L3MBTL4: variants seen among roughly 807,000 people sequenced by gnomAD.
L3MBTL4 encodes L3MBTL histone methyl-lysine binding protein 4.
Under a neutral mutation model 84.5 loss-of-function variants are expected in L3MBTL4, and 70 were observed. That is an observed-to-expected ratio of 0.83 (90% CI 0.68 to 1.01). The LOEUF is 1.01. Ranked by LOEUF, L3MBTL4 falls within the 50% of genes least tolerant of loss-of-function variation. The pLI is 0.00. For missense variants in L3MBTL4, 715 were observed against 754.8 expected, an observed-to-expected ratio of 0.95 and a Z score of 0.62; for synonymous variants, 274 against 259.8, an observed-to-expected ratio of 1.05 and a Z score of -0.52.
At chr18:6,024,153 A>G (rs1466286771) in intron 16 of L3MBTL4, among the ~76,000 whole-genome samples, 2 of 152,218 alleles carry the variant, frequency 1.3e-5, no homozygotes, top group Non-Finnish European at 2.9e-5. Flanking sequence ...CTGGGATTAC[A>G]GGTGTGAGCC....
At chr18:6,231,290 G>A (rs2046990014) in intron 10 of L3MBTL4, among the ~76,000 whole-genome samples, 1 of 152,124 alleles carries the variant, frequency 6.6e-6, no homozygotes, top group Non-Finnish European at 1.5e-5. Flanking sequence ...TCAATCTTCT[G>A]TATATGGCTA....
At chr18:6,240,823 G>A (rs890522310) in intron 8 of L3MBTL4, among the ~76,000 whole-genome samples, 6 of 152,196 alleles carry the variant, frequency 3.9e-5, no homozygotes, top group Non-Finnish European at 8.8e-5. Context: ...GCCTGCCAGT[G>A]GCAGAGCCGA....
At chr18:6,307,460 T>G (rs1021370268) in intron 3 of L3MBTL4, among the ~76,000 whole-genome samples, 47 of 151,832 alleles carry the variant, frequency 3.1e-4, no homozygotes, top group Non-Finnish European at 7.4e-5. Flanking sequence ...AAAAGTTATA[T>G]TCTCTCCAAT....
chr18:5,961,928 T>C (rs1339216224), intron 17 of L3MBTL4, among the ~76,000 whole-genome samples: 1 of 152,170 alleles, frequency 6.6e-6, no homozygotes, highest in Non-Finnish European at 1.5e-5. Flanking sequence ...TGGTGGCAGA[T>C]GGCTGGGGCC....
At chr18:6,319,865 C>T (rs1200048899) in intron 1 of L3MBTL4, among the ~76,000 whole-genome samples, 1 of 151,880 alleles carries the variant, frequency 6.6e-6, no homozygotes, top group Admixed American at 6.6e-5. Context: ...AATCAATATC[C>T]CTGATGAACA....
At chr18:6,282,235 C>T (rs1471270685) in intron 4 of L3MBTL4, among the ~76,000 whole-genome samples, 6 of 152,174 alleles carry the variant, frequency 3.9e-5, no homozygotes, top group African/African-American at 1.4e-4. Context: ...ACTTCCCTCA[C>T]GAGCTTTAAA....
chr18:6,311,873 A>G, intron 2 of L3MBTL4, 125 bp downstream of exon 2: 2 of 368,676 alleles, frequency 5.4e-6, no homozygotes, highest in East Asian at 1.1e-4. Context: ...TCTAGAATTT[A>G]TATCATGGGG....
At chr18:6,075,774 T>A (rs1281420403) in intron 16 of L3MBTL4, among the ~76,000 whole-genome samples, 1 of 151,928 alleles carries the variant, frequency 6.6e-6, no homozygotes, top group Non-Finnish European at 1.5e-5. Context: ...AACAATGAAC[T>A]CATATATTGA....
intron 16 of L3MBTL4, among the ~76,000 whole-genome samples, chr18:6,053,517 G>A (rs956777506): frequency 4.6e-5 from 7 of 152,130 alleles, no homozygotes; most frequent in African/African-American, 7.2e-5. Flanking sequence ...AAAGGCCATC[G>A]CAACCTTGCA....
intron 1 of L3MBTL4, among the ~76,000 whole-genome samples, chr18:6,386,222 G>A (rs1423678078): frequency 6.6e-6 from 1 of 152,028 alleles, no homozygotes; most frequent in Admixed American, 6.6e-5. Context: ...CCAACAAGTA[G>A]AGAAAGAAAA....
intron 12 of L3MBTL4, among the ~76,000 whole-genome samples, chr18:6,178,219 T>A (rs762562781): frequency 1.3e-5 from 2 of 152,180 alleles, no homozygotes; most frequent in Non-Finnish European, 2.9e-5. Context: ...GGATTGTCTA[T>A]AACTGCTTAC....
chr18:5,975,826 A>C (rs1476751498), intron 16 of L3MBTL4, among the ~76,000 whole-genome samples: 1 of 152,236 alleles, frequency 6.6e-6, no homozygotes, highest in African/African-American at 2.4e-5. Context: ...GCTGTTTCTT[A>C]GATGCCAAGT....
chr18:6,062,293 C>T (rs552741931), intron 16 of L3MBTL4, among the ~76,000 whole-genome samples: 14 of 152,066 alleles, frequency 9.2e-5, no homozygotes, highest in Middle Eastern at 3.4e-3. Context: ...TTAAACATTT[C>T]GCTCTACTCT....
chr18:6,047,786 G>A (rs2056685712), intron 16 of L3MBTL4, among the ~76,000 whole-genome samples: 1 of 152,136 alleles, frequency 6.6e-6, no homozygotes, highest in South Asian at 2.1e-4. Flanking sequence ...CAAACCCACA[G>A]CCAACATCTG....
chr18:6,097,486 TG>T (rs1192749604), intron 14 of L3MBTL4, among the ~76,000 whole-genome samples: 3 of 152,030 alleles, frequency 2.0e-5, no homozygotes, highest in Non-Finnish European at 4.4e-5. Context: ...ATTTTGGGTG[TG>T]GTCCAGGAGG....
At chr18:6,025,281 T>A (rs1310893078) in intron 16 of L3MBTL4, 2 of 152,196 alleles carry the variant, frequency 1.3e-5, no homozygotes, top group Admixed American at 1.3e-4. Flanking sequence ...ACACTATCTT[T>A]TTGGTTAAGA....
intron 14 of L3MBTL4, among the ~76,000 whole-genome samples, chr18:6,105,611 C>CA (rs1031354152): frequency 9.3e-5 from 14 of 151,258 alleles, no homozygotes; most frequent in African/African-American, 2.4e-4. Flanking sequence ...ACAGCCTGGC[C>CA]AACATGATGA....
chr18:6,208,424 T>C (rs2045962545), intron 12 of L3MBTL4, among the ~76,000 whole-genome samples: 1 of 152,216 alleles, frequency 6.6e-6, no homozygotes, highest in African/African-American at 2.4e-5. Flanking sequence ...GTCCAGTTAA[T>C]GCATTAAATA....
At chr18:6,244,409 C>T in intron 6 of L3MBTL4, 75 bp downstream of exon 6, 1 of 942,544 alleles carries the variant, frequency 1.1e-6, no homozygotes, top group Non-Finnish European at 1.7e-6. Context: ...AAATATCAAA[C>T]AAATTTGTTA....
Sources: allele counts gnomAD v4.1 joint callset (sites outside exome capture counted in the v4.1 genomes callset), GRCh38; gene constraint gnomAD v4.1.1; transcripts MANE v1.5; gene names NCBI Gene and HGNC (gene_info 2026-07-23, HGNC 2026-07-21).